Variants in CRNN observed in about 807,000 individuals in gnomAD.
CRNN encodes cornulin.
A neutral mutation model predicts 44.7 loss-of-function variants in CRNN; 39 were observed. That is an observed-to-expected ratio of 0.87 (90% confidence interval 0.68 to 1.14). The LOEUF (loss-of-function observed/expected upper bound fraction) is 1.14. Ranked by LOEUF, CRNN falls within the 50% of genes most tolerant of loss-of-function variation. The pLI, the probability that CRNN is intolerant of heterozygous loss-of-function variation, is 0.00. For synonymous variants in CRNN, 240 were observed against 231.8 expected (o/e 1.04, Z -0.32); for missense variants, 606 against 605.1 (o/e 1.00, Z -0.02).
chr1:152,411,264 C>T (rs1214011275), intron 2 of CRNN, among the ~76,000 whole-genome samples: 2 of 152,208 alleles, frequency 1.3e-5, no homozygotes, highest in Non-Finnish European at 2.9e-5. Flanking sequence ...ACTGTCTGGG[C>T]TGCCCTTGGC....
At position 152,412,093 on chromosome 1, in the gene CRNN, T is replaced by C; in HGVS notation, c.138+3A>G. Reference sequence around the variant, plus strand: ...CCTCTCCACCCGGCTCAGCACACCGTACCACAATCACATCGGCAAACTCTT... The same window carrying C: ...CCTCTCCACCCGGCTCAGCACACCGCACCACAATCACATCGGCAAACTCTT... On this transcript the variant is annotated splice_donor_region_variant and intron_variant, in intron 2 of 2. Coordinates refer to ENST00000271835, the MANE Select transcript of CRNN (RefSeq NM_016190.3). The C allele has an allele frequency of 6.2e-7, 1 of 1,605,350 alleles. No homozygotes were observed.
Position 152,410,320 on chromosome 1 carries a change from G to C in CRNN, c.762C>G (p.Ser254Arg), listed in dbSNP as rs200097329. Residue 254 changes from serine (S) to arginine (R), a missense_variant, in exon 3 of 3, where the codon AGC becomes AGG. Transcript: ENST00000271835. ...QDSSHQTGRT[S>R]KQTQEATNDQ... ...CATTGGTGGCCTCCTGTGTCTGCTT[G>C]CTGGTTCTTCCTGTCTGGTGGCTGC... 1 of 1,613,876 alleles carries C rather than the reference G, an allele frequency of 6.2e-7. No individual in the cohort carries two copies. The highest frequency in any genetic ancestry group is 1.7e-5 in the Admixed American group (1 of 59,996).
chr1:152,412,185 G>A lies in CRNN; in HGVS notation c.49C>T (p.Arg17Cys), dbSNP rs375760708. Residue 17 changes from arginine to cysteine, a missense_variant, in exon 2 of 3, where the codon CGC becomes TGC. Physicochemically the swap from Arg to Cys is radical, Grantham distance 180. Coordinates refer to ENST00000271835, the MANE Select transcript of CRNN (RefSeq NM_016190.3). ...NINGIIEAFR[R>C]YARTEGNCTA... ...CAGTTGCCCTCCGTCCTTGCATAGC[G>A]CCTGAAGGCCTCGATGATCCCATTA... is the stretch of plus-strand genomic sequence containing the variant. 2.2e-5 allele frequency: 36 copies of A among 1,613,298 alleles called. No individual in the cohort carries two copies. The highest frequency in any genetic ancestry group is 3.3e-5 in the South Asian group (3 of 91,046).
At position 152,410,420 on chromosome 1, in the gene CRNN, T is replaced by G. The variant is rs34887762; in HGVS notation, c.662A>C (p.His221Pro). The change falls in exon 3 of 3, where the codon CAC (histidine) becomes CCC (proline). Residue 221 changes from histidine (H) to proline (P), a missense_variant. His to Pro is a moderately conservative substitution (Grantham distance 77). Coordinates refer to ENST00000271835, the MANE Select transcript of CRNN (RefSeq NM_016190.3). ...TCCAGTCACAGTCTCACCTGTCTGG[T>G]GGGCTCTGTCCTGTTCCCTGGTCTG... ...QPQTREQDRA[H>P]QTGETVTGSG... 1 of 1,614,186 alleles carries G rather than the reference T, an allele frequency of 6.2e-7. No individual in the cohort carries two copies. The highest frequency in any genetic ancestry group is 8.5e-7 in the Non-Finnish European group (1 of 1,180,032).
intron 1 of CRNN, among the ~76,000 whole-genome samples, chr1:152,413,406 G>A (rs1484085842): frequency 6.6e-6 from 1 of 152,178 alleles, no homozygotes; most frequent in East Asian, 1.9e-4. Context: ...AGGGGAGATG[G>A]AGCCTGTAGC....
intron 1 of CRNN, 56 bp from the exon 2 acceptor site, chr1:152,412,302 T>G (rs1655793156): frequency 1.3e-6 from 2 of 1,516,744 alleles, no homozygotes; most frequent in South Asian, 2.4e-5. Flanking sequence ...AGCTATTTCC[T>G]TTATAGCACG....
In CRNN at chr1:152,410,049, C is replaced by A. The variant is rs1174559850; in HGVS notation, c.1033G>T (p.Gly345Ter). The A allele has an allele frequency of 6.2e-7, 1 of 1,614,034 alleles. No homozygotes were observed. The highest frequency in any genetic ancestry group is 8.5e-7 in the Non-Finnish European group (1 of 1,180,034). The change falls in exon 3 of 3, where the codon GGA becomes TGA. Residue 345 changes from glycine to a stop codon, truncating the protein, a stop_gained. Coordinates refer to ENST00000271835, the MANE Select transcript of CRNN (RefSeq NM_016190.3). LOFTEE classifies it high-confidence loss of function. Reference protein sequence around the residue: ...RSQTSQAVTGGHTQIQAGSHT... With the variant: ...RSQTSQAVTG ...GACCCTGCCTGTATCTGAGTGTGTCCTCCTGTCACAGCCTGGCTGGTCTGG... is the reference window on the plus strand; with the variant it reads ...GACCCTGCCTGTATCTGAGTGTGTCATCCTGTCACAGCCTGGCTGGTCTGG...
In CRNN at chr1:152,412,762, C is replaced by A. The variant is rs376437387; in HGVS notation, c.-13-516G>T. Reference sequence around the variant, plus strand: ...TTTTTTTTATAGGTGAGGAAACAGGCTCAGAGAAGTTAGGCCACACAATTT... The same window carrying A: ...TTTTTTTTATAGGTGAGGAAACAGGATCAGAGAAGTTAGGCCACACAATTT... On this transcript the variant is annotated intron_variant, in intron 1 of 2. Transcript: ENST00000271835. Among the ~76,000 whole-genome samples the A allele has an allele frequency of 2.4e-4, 36 of 152,236 alleles. 1 individual carries two copies. Among genetic ancestry groups the A allele is most frequent in the African/African-American group, 8.7e-4 (36 of 41,548 alleles).
rs780915099 is a variant in CRNN at position 152,409,408 on chromosome 1, G to A, written c.*186C>T. 49 of 1,117,976 alleles carry A rather than the reference G, an allele frequency of 4.4e-5. No individual in the cohort carries two copies. The highest frequency in any genetic ancestry group is 5.9e-5 in the Non-Finnish European group (48 of 813,102). 69.3% of individuals were successfully genotyped at this position (1,117,976 alleles called of 1,614,324 possible). A position where few individuals can be genotyped will look rare whatever the true frequency, so the allele number is the denominator to read the frequency against. On this transcript the variant is annotated 3_prime_UTR_variant, in exon 3 of 3. Coordinates refer to ENST00000271835, the MANE Select transcript of CRNN (RefSeq NM_016190.3). ...CTGAGAGGGTCTGCACCGCAAAGCA[G>A]GTAAGAAAGAAGAGTTCAGGATAGA...
At chr1:152,413,479 A>G (rs1365934379) in intron 1 of CRNN, among the ~76,000 whole-genome samples, 3 of 152,182 alleles carry the variant, frequency 2.0e-5, no homozygotes, top group Admixed American at 2.0e-4. Flanking sequence ...AAGAGAAAAA[A>G]GGAAGGAAGG....
rs761703782 is a variant in CRNN, at chr1:152,410,413, T to G, written c.669A>C (p.Thr223=). Residue 223 remains threonine (T), a synonymous_variant, in exon 3 of 3, where the codon ACA becomes ACC. Transcript: ENST00000271835. ...QTREQDRAHQ[T]GETVTGSGTQ... The stretch of plus-strand genomic sequence containing the variant: ...TTCCAGATCCAGTCACAGTCTCACC[T>G]GTCTGGTGGGCTCTGTCCTGTTCCC... The G allele has an allele frequency of 1.9e-6, 3 of 1,614,058 alleles. No homozygotes were observed. The African/African-American group carries it at 4.0e-5, about 22-fold the overall frequency.
At position 152,409,882 on chromosome 1, in the gene CRNN, C is replaced by T. The variant is rs149675152; in HGVS notation, c.1200G>A (p.Pro400=). ...TTGCCCCAGTCTGGGCCTGTCCTCC[C>T]GGTACTGTCTCTCCTGCCTCAGGGT... ...VSNPEAGETV[P]GGQAQTGAST... is the part of the protein sequence containing the mutation. Residue 400 remains proline (P), a synonymous_variant, in exon 3 of 3, where the codon CCG becomes CCA. Coordinates refer to ENST00000271835, the MANE Select transcript of CRNN (RefSeq NM_016190.3). The T allele has an allele frequency of 4.0e-5, 64 of 1,614,110 alleles. No homozygotes were observed. Among genetic ancestry groups the T allele is most frequent in the African/African-American group, 8.0e-5 (6 of 74,944 alleles).
At chr1:152,411,755 T>C (rs7523778) in intron 2 of CRNN, among the ~76,000 whole-genome samples, 6,417 of 152,286 alleles carry the variant, frequency 0.042, 453 homozygotes, top group African/African-American at 0.15. Flanking sequence ...AAATATTTAC[T>C]GTATCAAATT....
chr1:152,412,430 T>C (rs1009353796), intron 1 of CRNN, among the ~76,000 whole-genome samples, 184 bp from the exon 2 acceptor site: 3 of 152,202 alleles, frequency 2.0e-5, no homozygotes, highest in Admixed American at 2.0e-4. Context: ...GGCAGGTTCC[T>C]GAGTCAGGAT....
At chr1:152,411,847 C>A (rs1045233465) in intron 2 of CRNN, among the ~76,000 whole-genome samples, 3 of 152,114 alleles carry the variant, frequency 2.0e-5, no homozygotes, top group African/African-American at 4.8e-5. Flanking sequence ...CCTTTTAGAG[C>A]CCTTTTACCT....
chr1:152,409,348 T>G lies in CRNN; in HGVS notation c.*246A>C. ...CCCCCACAAGATGAGGACAATTCAG[T>G]ACAAAGGGGTGACTTGCTCTGAGTC... is the stretch of plus-strand genomic sequence containing the variant. On this transcript the variant is annotated 3_prime_UTR_variant, in exon 3 of 3. Coordinates refer to ENST00000271835, the MANE Select transcript of CRNN (RefSeq NM_016190.3). 1 of 597,954 alleles carries G rather than the reference T, an allele frequency of 1.7e-6. No individual in the cohort carries two copies. Among genetic ancestry groups the G allele is most frequent in the Non-Finnish European group, 2.8e-6 (1 of 357,612 alleles). The allele number at this position is 597,954 out of a possible 1,614,324, so 37.0% of individuals were successfully genotyped here. A position where few individuals can be genotyped will look rare whatever the true frequency, so the allele number is the denominator to read the frequency against.
chr1:152,411,533 G>A (rs957872121), intron 2 of CRNN, among the ~76,000 whole-genome samples: 1 of 152,206 alleles, frequency 6.6e-6, no homozygotes, highest in African/African-American at 2.4e-5. Flanking sequence ...CCAAAGACAG[G>A]AAAGTGCATC....
chr1:152,412,968 C>A (rs1655814532), intron 1 of CRNN, among the ~76,000 whole-genome samples: 1 of 152,116 alleles, frequency 6.6e-6, no homozygotes, highest in Admixed American at 6.5e-5. Context: ...GGGAGCCAAG[C>A]AGAAATTCCA....
chr1:152,414,213 C>T lies in CRNN; in HGVS notation c.-14+1G>A, dbSNP rs1302245857. The T allele has an allele frequency of 6.6e-6, 1 of 152,576 alleles. No individual in the cohort carries two copies. The highest frequency in any genetic ancestry group is 1.5e-5 in the Non-Finnish European group (1 of 68,340). 9.5% of individuals were successfully genotyped at this position (152,576 alleles called of 1,614,324 possible). On this transcript the variant is annotated splice_donor_variant, in intron 1 of 2. Transcript: ENST00000271835. LOFTEE classifies it low-confidence loss of function (5UTR_SPLICE). Reference sequence around the variant, plus strand: ...AAGAGGTTTCTTATGAGGGGACTTACCTAATGCCCAGGTGGGATGAAACAA... The same window carrying T: ...AAGAGGTTTCTTATGAGGGGACTTATCTAATGCCCAGGTGGGATGAAACAA...
Sources: allele counts gnomAD v4.1 joint callset (sites outside exome capture counted in the v4.1 genomes callset), GRCh38; gene constraint gnomAD v4.1.1; transcripts MANE v1.5; gene names NCBI Gene and HGNC (gene_info 2026-07-23, HGNC 2026-07-21).